Variants in HMCN1 observed in about 807,000 individuals in gnomAD.
The protein encoded by HMCN1 is hemicentin-1.
A neutral mutation model predicts 625.9 loss-of-function variants in HMCN1; 321 were observed. The observed-to-expected ratio is 0.51, with a 90% confidence interval of 0.47 to 0.56. The LOEUF (loss-of-function observed/expected upper bound fraction) is 0.56, where lower values mean the gene tolerates loss of function less well. HMCN1 is among the 20% of genes least tolerant of loss of function. HMCN1 has a pLI of 0.00. For synonymous variants in HMCN1, 2,425 were observed against 2,417.6 expected, an observed-to-expected ratio of 1.00 and a Z score of -0.09; for missense variants, 6,588 against 6,887.3, an observed-to-expected ratio of 0.96 and a Z score of 1.54.
intron 48 of HMCN1, among the ~76,000 whole-genome samples, chr1:186,062,905 G>C (rs1000567624): frequency 1.3e-4 from 20 of 150,780 alleles, no homozygotes; most frequent in African/African-American, 4.9e-4. Context: ...CCATTTATAA[G>C]TTAGAACATA....
At chr1:185,859,736 A>T (rs1267373316) in intron 2 of HMCN1, among the ~76,000 whole-genome samples, 2 of 151,874 alleles carry the variant, frequency 1.3e-5, no homozygotes, top group South Asian at 4.2e-4. Context: ...TGCGATCTCG[A>T]TTCACTGCAA....
chr1:186,033,051 GAT>G (rs1655569928), intron 36 of HMCN1, among the ~76,000 whole-genome samples: 1 of 146,748 alleles, frequency 6.8e-6, no homozygotes, highest in Non-Finnish European at 1.5e-5. Flanking sequence ...AAGAAAATGT[GAT>G]ATACACACAC....
chr1:186,079,651 G>A (rs1659048097), intron 55 of HMCN1, among the ~76,000 whole-genome samples: 2 of 152,158 alleles, frequency 1.3e-5, no homozygotes, highest in African/African-American at 4.8e-5. Flanking sequence ...GTTTAATTTA[G>A]GGTGAGTAGA....
chr1:185,997,121 G>T (rs1652846332), intron 24 of HMCN1, among the ~76,000 whole-genome samples: 1 of 152,128 alleles, frequency 6.6e-6, no homozygotes, highest in African/African-American at 2.4e-5. Flanking sequence ...TATGTGATTG[G>T]ATATGGAGGT....
Position 186,130,057 on chromosome 1 carries a change from C to T in HMCN1, c.12996C>T (p.Asn4332=). ...GTACTTATGTGTGCACCGCAGAGAA[C>T]AGCGTTGGCTTTGTGAAGGCAATTG... ...DSGTYVCTAE[N]SVGFVKAIGF... The change falls in exon 84 of 107, where the codon AAC becomes AAT. Residue 4332 remains asparagine (N), a synonymous_variant. Coordinates refer to ENST00000271588, the MANE Select transcript of HMCN1 (RefSeq NM_031935.3). 6.2e-7 allele frequency: 1 copy of T among 1,613,232 alleles called. No homozygotes were observed. The highest frequency in any genetic ancestry group is 8.5e-7 in the Non-Finnish European group (1 of 1,179,404).
At chr1:185,954,888 T>C (rs1345809112) in intron 11 of HMCN1, among the ~76,000 whole-genome samples, 1 of 152,210 alleles carries the variant, frequency 6.6e-6, no homozygotes, top group Non-Finnish European at 1.5e-5. Flanking sequence ...GGAGACGTTT[T>C]CTTTGGACTG....
intron 1 of HMCN1, among the ~76,000 whole-genome samples, chr1:185,841,953 T>C (rs747752631): frequency 1.6e-4 from 25 of 152,324 alleles, no homozygotes; most frequent in African/African-American, 5.8e-4. Flanking sequence ...GAACTTGATA[T>C]ATAGAACTTA....
intron 4 of HMCN1, among the ~76,000 whole-genome samples, chr1:185,893,137 C>T (rs1015499393): frequency 6.6e-6 from 1 of 152,264 alleles, no homozygotes; most frequent in Non-Finnish European, 1.5e-5. Context: ...CTTGCACTTC[C>T]TGAGTGAGGC....
intron 86 of HMCN1, among the ~76,000 whole-genome samples, 177 bp downstream of exon 86, chr1:186,132,586 C>CAGAT (rs1662000285): frequency 2.0e-5 from 3 of 152,046 alleles, no homozygotes; most frequent in Non-Finnish European, 1.5e-5. Flanking sequence ...TGATAACACA[C>CAGAT]AGATATTTTT....
chr1:185,936,222 G>T (rs940640335), intron 11 of HMCN1, among the ~76,000 whole-genome samples: 2 of 151,954 alleles, frequency 1.3e-5, no homozygotes, highest in East Asian at 3.9e-4. Flanking sequence ...TAATTAGCAA[G>T]AATTTTCTTC....
At chr1:186,065,778 C>T (rs1395109298) in intron 49 of HMCN1, among the ~76,000 whole-genome samples, 1 of 151,968 alleles carries the variant, frequency 6.6e-6, no homozygotes, top group Non-Finnish European at 1.5e-5. Flanking sequence ...GAGACTTAGC[C>T]ATTATTGGAA....
intron 93 of HMCN1, among the ~76,000 whole-genome samples, chr1:186,150,178 T>C (rs1385284141): frequency 2.0e-5 from 3 of 152,146 alleles, no homozygotes; most frequent in African/African-American, 7.2e-5. Context: ...CAAAGTATGA[T>C]AAAACTAAAT....
chr1:185,972,619 T>A (rs1229260572), intron 15 of HMCN1, among the ~76,000 whole-genome samples: 1 of 152,190 alleles, frequency 6.6e-6, no homozygotes, highest in Admixed American at 6.6e-5. Flanking sequence ...TTGACCATTG[T>A]TCACAATTGC....
intron 11 of HMCN1, among the ~76,000 whole-genome samples, chr1:185,960,174 G>T (rs1571621610): frequency 6.8e-6 from 1 of 146,204 alleles, no homozygotes; most frequent in Non-Finnish European, 1.5e-5. Context: ...TGTTCTCCAG[G>T]CTGGAGCTCA....
At chr1:185,989,387 G>A in intron 20 of HMCN1, 101 bp from the exon 21 acceptor site, 1 of 1,388,772 alleles carries the variant, frequency 7.2e-7, no homozygotes, top group Non-Finnish European at 1.0e-6. Context: ...TCTTGGAGAT[G>A]TTTTTTTCTC....
At chr1:186,113,030 T>C in intron 72 of HMCN1, 77 bp downstream of exon 72, 1 of 1,530,734 alleles carries the variant, frequency 6.5e-7, no homozygotes, top group South Asian at 1.1e-5. Flanking sequence ...CTTTTTCTTA[T>C]GAGCATACTA....
chr1:185,795,251 A>G (rs1051025867), intron 1 of HMCN1, among the ~76,000 whole-genome samples: 4 of 152,198 alleles, frequency 2.6e-5, no homozygotes, highest in Non-Finnish European at 4.4e-5. Flanking sequence ...TTTACTTGTA[A>G]CTTTCTGTTG....
intron 4 of HMCN1, among the ~76,000 whole-genome samples, chr1:185,896,155 C>A (rs745904865): frequency 1.3e-5 from 2 of 152,022 alleles, no homozygotes; most frequent in African/African-American, 4.8e-5. Flanking sequence ...CCAGGATGGT[C>A]TCGATCTCCT....
intron 105 of HMCN1, among the ~76,000 whole-genome samples, chr1:186,186,099 T>C (rs778471134): frequency 2.0e-5 from 3 of 152,214 alleles, no homozygotes; most frequent in Non-Finnish European, 4.4e-5. Context: ...GAGCTTCAGA[T>C]TTAACTCTCT....
Sources: allele counts gnomAD v4.1 joint callset (sites outside exome capture counted in the v4.1 genomes callset), GRCh38; gene constraint gnomAD v4.1.1; transcripts MANE v1.5; gene names NCBI Gene and HGNC (gene_info 2026-07-23, HGNC 2026-07-21).